AP4S1: variants seen among roughly 807,000 people sequenced by gnomAD.
AP4S1 encodes adaptor related protein complex 4 subunit sigma 1.
In AP4S1, 23 loss-of-function variants were observed where a neutral mutation model predicts 19.8. The observed-to-expected ratio is 1.16, with a 90% CI of 0.84 to 1.65. AP4S1 has a LOEUF of 1.65. Ranked by LOEUF, AP4S1 falls within the 40% of genes most tolerant of loss-of-function variation. The pLI, the probability that AP4S1 is intolerant of heterozygous loss-of-function variation, is 0.00. For missense variants in AP4S1, 166 were observed against 172.8 expected, an observed-to-expected ratio of 0.96 and a Z score of 0.22; for synonymous variants, 46 against 54.1, an observed-to-expected ratio of 0.85 and a Z score of 0.66.
chr14:31,058,707 A>G (rs1196399167), intron 1 of AP4S1, among the ~76,000 whole-genome samples: 2 of 149,532 alleles, frequency 1.3e-5, no homozygotes, highest in African/African-American at 4.9e-5. Flanking sequence ...AGCTGGGACT[A>G]TAGGTACACA....
rs563687343 is a variant in AP4S1, at chr14:31,083,588, TG to T, written c.306+3006del. ...GGTGCGATCATGGCTCACTACACCC[TG>T]GATCTCCTGGGCTCAAGTGATCCTC... On this transcript the variant is annotated intron_variant, in intron 5 of 5. Transcript: ENST00000542754. 807 of 431,498 alleles carry T rather than the reference TG, an allele frequency of 1.9e-3. 1 individual carries two copies. Among genetic ancestry groups the T allele is most frequent in the Non-Finnish European group, 2.7e-3 (600 of 222,662 alleles). 26.7% of individuals were successfully genotyped at this position (431,498 alleles called of 1,614,324 possible).
chr14:31,066,894 C>T (rs1886746445), intron 2 of AP4S1, among the ~76,000 whole-genome samples: 1 of 151,976 alleles, frequency 6.6e-6, no homozygotes, highest in South Asian at 2.1e-4. Context: ...GTGGGGAAAA[C>T]GGAAATTAAG....
intron 3 of AP4S1, among the ~76,000 whole-genome samples, chr14:31,072,068 G>A (rs904029351): frequency 6.6e-6 from 1 of 151,554 alleles, no homozygotes; most frequent in African/African-American, 2.4e-5. Flanking sequence ...AGCCTCCCAC[G>A]TAGCTGGGAT....
chr14:31,041,431 G>C (rs142054659), intron 1 of AP4S1, among the ~76,000 whole-genome samples: 4 of 152,170 alleles, frequency 2.6e-5, no homozygotes, highest in African/African-American at 9.6e-5. Flanking sequence ...TTATAGGCAT[G>C]AGCCACCATG....
intron 1 of AP4S1, among the ~76,000 whole-genome samples, chr14:31,049,369 G>A (rs1257896487): frequency 2.9e-5 from 4 of 138,010 alleles, no homozygotes; most frequent in African/African-American, 8.1e-5. Context: ...AGCCGAGATC[G>A]CACCACTGCA....
intron 2 of AP4S1, among the ~76,000 whole-genome samples, chr14:31,068,049 G>A (rs1198579965): frequency 6.6e-6 from 1 of 151,664 alleles, no homozygotes; most frequent in African/African-American, 2.4e-5. Context: ...TGTATTTTTA[G>A]TAGAGACAGG....
chr14:31,060,061 G>A (rs1886352127), intron 1 of AP4S1, among the ~76,000 whole-genome samples: 1 of 146,090 alleles, frequency 6.8e-6, no homozygotes, highest in Admixed American at 6.9e-5. Flanking sequence ...ATATATTTAT[G>A]TATATATATT....
intron 2 of AP4S1, among the ~76,000 whole-genome samples, chr14:31,067,144 G>A (rs978539053): frequency 7.3e-5 from 11 of 151,110 alleles, no homozygotes; most frequent in South Asian, 6.3e-4. Flanking sequence ...GGAGGTGAAG[G>A]TTGCAGTGAG....
chr14:31,035,889 C>T (rs1884731818), intron 1 of AP4S1, among the ~76,000 whole-genome samples: 1 of 151,900 alleles, frequency 6.6e-6, no homozygotes. Context: ...CGCCACAAGG[C>T]CCGGCTAATT....
At position 31,093,018 on chromosome 14, in the gene AP4S1, A is replaced by C. The variant is rs1045096152; in HGVS notation, c.418A>C (p.Lys140Gln). ...TCTTGCCCCTCTACTAATTCTTGAT[A>C]AGATGTCAGAAAGCTGAAAGGAAGT... ...RILAPLLILDKMSES is the reference protein window; with the variant it reads ...RILAPLLILDQMSES The change falls in exon 6 of 6, where the codon AAG becomes CAG. Residue 140 changes from lysine (K) to glutamine (Q), a missense_variant. Coordinates refer to ENST00000542754, the MANE Select transcript of AP4S1 (RefSeq NM_001128126.3). The C allele has an allele frequency of 7.1e-6, 11 of 1,548,118 alleles. No individual in the cohort carries two copies. In the African/African-American group the frequency reaches 1.5e-4, roughly 21 times the overall value.
At chr14:31,075,472 C>G (rs1887303688) in intron 4 of AP4S1, among the ~76,000 whole-genome samples, 1 of 152,108 alleles carries the variant, frequency 6.6e-6, no homozygotes, top group East Asian at 1.9e-4. Flanking sequence ...CTATTGTGGA[C>G]AGTGCTACAA....
chr14:31,060,679 A>G (rs891668138), intron 1 of AP4S1, among the ~76,000 whole-genome samples: 2 of 152,232 alleles, frequency 1.3e-5, no homozygotes, highest in Non-Finnish European at 2.9e-5. Context: ...TGCTTAGCTC[A>G]GTGCATAGTG....
chr14:31,058,015 G>A (rs929818979), intron 1 of AP4S1, among the ~76,000 whole-genome samples: 1 of 151,324 alleles, frequency 6.6e-6, no homozygotes, highest in Non-Finnish European at 1.5e-5. Flanking sequence ...CTGTAGCCTA[G>A]AATTCCTGAT....
Position 31,073,318 on chromosome 14 carries a change from G to A in AP4S1, c.294+345G>A, listed in dbSNP as rs543197513. 1.4e-3 allele frequency: 309 copies of A among 221,710 alleles called. 3 individuals are homozygous for A. Among genetic ancestry groups the A allele is most frequent in the South Asian group, 3.8e-3 (61 of 16,252 alleles). 13.7% of individuals were successfully genotyped at this position (221,710 alleles called of 1,614,324 possible). The stretch of plus-strand genomic sequence containing the variant: ...ATCCTGGCTAATACGGTGAAACCCC[G>A]TCTCTACTAAAAATACAAAAAATTA... On this transcript the variant is annotated intron_variant, in intron 4 of 5. Transcript: ENST00000542754.
intron 3 of AP4S1, among the ~76,000 whole-genome samples, chr14:31,072,139 CTA>C (rs1013619467): frequency 6.6e-6 from 1 of 151,800 alleles, no homozygotes; most frequent in Non-Finnish European, 1.5e-5. Flanking sequence ...CGAGGTTTCA[CTA>C]TGTTGGCCAG....
At position 31,046,942 on chromosome 14, in the gene AP4S1, G is replaced by A. The variant is rs571399954; in HGVS notation, c.-71-19184G>A. ...AAACTGCCGATTTGTTTTCTAAAGT[G>A]GCTGTAGCATTTACATTCCCACCAG... On this transcript the variant is annotated intron_variant, in intron 1 of 5. Coordinates refer to ENST00000542754, the MANE Select transcript of AP4S1 (RefSeq NM_001128126.3). 6.0e-5 allele frequency among the ~76,000 whole-genome samples: 9 copies of A among 149,238 alleles called. 1 individual carries two copies. The highest frequency in any genetic ancestry group is 2.1e-4 in the African/African-American group (8 of 38,754).
intron 1 of AP4S1, among the ~76,000 whole-genome samples, chr14:31,039,475 G>C (rs1387698336): frequency 6.6e-6 from 1 of 152,032 alleles, no homozygotes; most frequent in Non-Finnish European, 1.5e-5. Context: ...GTGAGCCACT[G>C]TGTCTGGCCC....
chr14:31,049,427 AAATATATATATATATATAT>A (rs1400780558), intron 1 of AP4S1, among the ~76,000 whole-genome samples: 2 of 32,994 alleles, frequency 6.1e-5, no homozygotes, highest in African/African-American at 3.3e-4. Context: ...AAAAAAAAAA[AAATATATATATATATATAT>A]ATATATATAT....
intron 1 of AP4S1, among the ~76,000 whole-genome samples, chr14:31,044,425 T>G (rs1885277715): frequency 6.6e-6 from 1 of 152,146 alleles, no homozygotes; most frequent in Admixed American, 6.5e-5. Flanking sequence ...TACTGCAGCC[T>G]CAGTCTCCTG....
Sources: allele counts gnomAD v4.1 joint callset (sites outside exome capture counted in the v4.1 genomes callset), GRCh38; gene constraint gnomAD v4.1.1; transcripts MANE v1.5; gene names NCBI Gene and HGNC (gene_info 2026-07-23, HGNC 2026-07-21).